Variants in LOC400499 observed in about 807,000 individuals in gnomAD.
the LOC400499 span, chr16:11,391,708 A>G: frequency 5.7e-6 from 7 of 1,231,856 alleles, no homozygotes; most frequent in Admixed American, 4.2e-5. Context: ...ACCTGCAGCC[A>G]CTCCAGGTAA....
chr16:11,424,411 A>T, the LOC400499 span: 3 of 399,100 alleles, frequency 7.5e-6, no homozygotes, highest in Non-Finnish European at 1.3e-5. Context: ...AGTCCACCGC[A>T]TTTAGTCAGG....
the LOC400499 span, among the ~76,000 whole-genome samples, chr16:11,505,644 C>A: frequency 7.9e-5 from 12 of 151,544 alleles, no homozygotes; most frequent in Non-Finnish European, 1.3e-4. Flanking sequence ...TGGGCTCTCT[C>A]CCTGTGTTGC....
the LOC400499 span, among the ~76,000 whole-genome samples, chr16:11,381,986 AG>A: frequency 6.6e-6 from 1 of 150,526 alleles, no homozygotes; most frequent in Admixed American, 6.6e-5. Context: ...TCTGTTGTTC[AG>A]GCTGGAGTGC....
the LOC400499 span, among the ~76,000 whole-genome samples, chr16:11,374,840 C>T: frequency 6.6e-6 from 1 of 152,106 alleles, no homozygotes; most frequent in Admixed American, 6.6e-5. Context: ...AGTAGAATTG[C>T]TGGATTGTAT....
chr16:11,500,072 A>G, the LOC400499 span, among the ~76,000 whole-genome samples: 1 of 152,198 alleles, frequency 6.6e-6, no homozygotes, highest in Non-Finnish European at 1.5e-5. Flanking sequence ...AGACTCATTA[A>G]ATATGTGTGT....
the LOC400499 span, among the ~76,000 whole-genome samples, chr16:11,397,464 G>C: frequency 6.6e-6 from 1 of 152,104 alleles, no homozygotes; most frequent in Non-Finnish European, 1.5e-5. Context: ...TAGTAGAGAA[G>C]AGGTTTCACC....
chr16:11,433,694 G>C, the LOC400499 span, among the ~76,000 whole-genome samples: 1 of 152,164 alleles, frequency 6.6e-6, no homozygotes, highest in African/African-American at 2.4e-5. Context: ...TCTGAGAAGG[G>C]GAGAGGGGCT....
At chr16:11,379,957 C>G in the LOC400499 span, among the ~76,000 whole-genome samples, 2 of 152,206 alleles carry the variant, frequency 1.3e-5, no homozygotes, top group East Asian at 3.9e-4. Flanking sequence ...GTTGATATCA[C>G]AAAGTATATC....
the LOC400499 span, among the ~76,000 whole-genome samples, chr16:11,385,770 T>C: frequency 3.3e-5 from 5 of 152,234 alleles, no homozygotes; most frequent in Non-Finnish European, 7.3e-5. Context: ...GAAGGCAGAT[T>C]GGTGGCTGCA....
the LOC400499 span, chr16:11,387,373 T>G: frequency 8.6e-7 from 1 of 1,160,880 alleles, no homozygotes; most frequent in Non-Finnish European, 1.1e-6. Context: ...AGCTTCTAGG[T>G]CTGCAGGAAG....
At chr16:11,383,678 G>T in the LOC400499 span, 1 of 1,232,350 alleles carries the variant, frequency 8.1e-7, no homozygotes, top group Non-Finnish European at 1.0e-6. Context: ...ACGAATCCAC[G>T]GGCACACAGG....
the LOC400499 span, chr16:11,500,995 G>T: frequency 7.5e-6 from 3 of 399,022 alleles, no homozygotes; most frequent in African/African-American, 4.1e-5. Flanking sequence ...CGACCCACAC[G>T]TGCTGAGCGC....
At chr16:11,459,920 G>A in the LOC400499 span, 13 of 1,472,152 alleles carry the variant, frequency 8.8e-6, no homozygotes, top group East Asian at 5.1e-5. Flanking sequence ...TGCTCAGGGC[G>A]GGCCCCGAGT....
the LOC400499 span, among the ~76,000 whole-genome samples, chr16:11,422,643 T>C: frequency 6.6e-6 from 1 of 152,074 alleles, no homozygotes; most frequent in Non-Finnish European, 1.5e-5. Context: ...CTACTACATG[T>C]CAGGCCCCGT....
chr16:11,526,274 T>TATA, the LOC400499 span, among the ~76,000 whole-genome samples: 1 of 152,210 alleles, frequency 6.6e-6, no homozygotes, highest in Non-Finnish European at 1.5e-5. Flanking sequence ...TCAATTCACT[T>TATA]ATTATAAGAC....
At chr16:11,507,192 G>A in the LOC400499 span, among the ~76,000 whole-genome samples, 1 of 152,184 alleles carries the variant, frequency 6.6e-6, no homozygotes, top group Non-Finnish European at 1.5e-5. Context: ...CATGAGGTTC[G>A]GCAGTGCAAC....
the LOC400499 span, chr16:11,396,811 T>C: frequency 2.9e-6 from 2 of 685,742 alleles, no homozygotes; most frequent in Non-Finnish European, 2.0e-6. Context: ...AGCTGACCTC[T>C]AAGAAACGCA....
the LOC400499 span, among the ~76,000 whole-genome samples, chr16:11,447,663 TGGGAAATGAGAAGACGCCCCAA>T: frequency 1.3e-5 from 2 of 152,002 alleles, no homozygotes; most frequent in Non-Finnish European, 2.9e-5. Context: ...AGCTCGTCTC[TGGGAAATGAGAAGACGCCCCAA>T]GCAGCTCCAG....
At chr16:11,446,716 C>T in the LOC400499 span, 1 of 1,532,966 alleles carries the variant, frequency 6.5e-7, no homozygotes, top group Non-Finnish European at 8.7e-7. Flanking sequence ...GGCTCTCAGG[C>T]CCCTTCCGGG....
Sources: allele counts gnomAD v4.1 joint callset (sites outside exome capture counted in the v4.1 genomes callset), GRCh38; gene constraint gnomAD v4.1.1; transcripts MANE v1.5.